The following SEMA3A variants were observed in gnomAD, a reference collection of about 807,000 sequenced individuals.
SEMA3A encodes the protein semaphorin-3A.
A neutral mutation model predicts 97.9 loss-of-function variants in SEMA3A; 29 were observed. The ratio of observed to expected loss-of-function variants is 0.30; its 90% CI spans 0.22 to 0.40. The LOEUF is 0.40. Ranked by LOEUF, SEMA3A falls within the 10% of genes least tolerant of loss-of-function variation. SEMA3A has a pLI of 1.00. For synonymous variants in SEMA3A, 321 were observed against 323.7 expected, an observed-to-expected ratio of 0.99 and a Z score of 0.09; for missense variants, 763 against 951.3, an observed-to-expected ratio of 0.80 and a Z score of 2.60.
chr7:84,433,875 T>C (rs1449923339), intron 1 of SEMA3A, among the ~76,000 whole-genome samples: 3 of 152,232 alleles, frequency 2.0e-5, no homozygotes, highest in African/African-American at 7.2e-5. Flanking sequence ...AAATGTCTTC[T>C]TTTGAGAAGT....
intron 2 of SEMA3A, among the ~76,000 whole-genome samples, chr7:84,365,748 G>A (rs1045540996): frequency 6.6e-6 from 1 of 151,080 alleles, no homozygotes; most frequent in East Asian, 1.9e-4. Flanking sequence ...GAATTTTTAT[G>A]TTTAACATAT....
intron 1 of SEMA3A, among the ~76,000 whole-genome samples, chr7:84,389,753 T>C (rs957185223): frequency 5.9e-5 from 9 of 151,726 alleles, no homozygotes; most frequent in South Asian, 2.1e-4. Context: ...ATTTCACTTA[T>C]ATTCCAGCTG....
intron 4 of SEMA3A, among the ~76,000 whole-genome samples, chr7:84,079,854 T>C (rs1460310141): frequency 1.4e-5 from 2 of 142,648 alleles, no homozygotes; most frequent in Non-Finnish European, 3.0e-5. Flanking sequence ...CATTACTGGG[T>C]ATATACCCAA....
At chr7:84,089,538 ATT>A (rs1794497072) in intron 4 of SEMA3A, among the ~76,000 whole-genome samples, 1 of 152,128 alleles carries the variant, frequency 6.6e-6, no homozygotes, top group Non-Finnish European at 1.5e-5. Context: ...GCCTTCAGTC[ATT>A]TGACTGAAAT....
intron 2 of SEMA3A, 29 bp from the exon 3 acceptor site, chr7:84,129,214 T>A (rs375885852): frequency 1.3e-6 from 2 of 1,576,894 alleles, no homozygotes; most frequent in Non-Finnish European, 1.7e-6. Flanking sequence ...CATTGTTTTA[T>A]GTCAACTAAG....
intron 1 of SEMA3A, among the ~76,000 whole-genome samples, chr7:84,466,533 A>G (rs910375324): frequency 6.6e-6 from 1 of 152,182 alleles, no homozygotes; most frequent in Non-Finnish European, 1.5e-5. Context: ...CATGGAAGCA[A>G]ATTCTAGCAG....
At chr7:84,481,324 A>T (rs1203397961) in intron 1 of SEMA3A, among the ~76,000 whole-genome samples, 1 of 152,202 alleles carries the variant, frequency 6.6e-6, no homozygotes, top group Non-Finnish European at 1.5e-5. Context: ...GACTAAACCT[A>T]ATTAAAAATG....
At chr7:84,281,244 A>G (rs77013985) in intron 3 of SEMA3A, among the ~76,000 whole-genome samples, 6,933 of 152,222 alleles carry the variant, frequency 0.046, 537 homozygotes, top group African/African-American at 0.16. Flanking sequence ...AGTTACTATC[A>G]TAATGAGGGT....
chr7:84,171,410 A>G (rs961574376), intron 1 of SEMA3A, among the ~76,000 whole-genome samples: 135 of 152,260 alleles, frequency 8.9e-4, no homozygotes, highest in Non-Finnish European at 2.9e-4. Context: ...TACAACACTT[A>G]GAAATAGGTG....
At chr7:83,967,133 C>G (rs9656560) in intron 15 of SEMA3A, among the ~76,000 whole-genome samples, 40,159 of 152,104 alleles carry the variant, frequency 0.26, 5,536 homozygotes, top group Middle Eastern at 0.37. Context: ...AGCCAAGCAC[C>G]CATCTATTTG....
intron 3 of SEMA3A, among the ~76,000 whole-genome samples, chr7:84,273,440 C>A (rs1156750785): frequency 5.9e-5 from 9 of 152,020 alleles, no homozygotes; most frequent in African/African-American, 1.9e-4. Flanking sequence ...CTAGCTACTG[C>A]CAGGAAATCT....
Position 84,147,558 on chromosome 7 carries a change from A to G in SEMA3A, c.113-12607T>C, listed in dbSNP as rs904888072. Among the ~76,000 whole-genome samples the G allele has an allele frequency of 5.9e-5, 9 of 152,196 alleles. No individual in the cohort carries two copies. The East Asian group carries it at 1.5e-3, about 26-fold the overall frequency. Reference sequence around the variant, plus strand: ...ATCACTTAGACATACTCAAGGATCAATCAAGTAAGCAGATCAGAGAGACAG... The same window carrying G: ...ATCACTTAGACATACTCAAGGATCAGTCAAGTAAGCAGATCAGAGAGACAG... On this transcript the variant is annotated intron_variant, in intron 1 of 16. Coordinates refer to ENST00000265362, the MANE Select transcript of SEMA3A (RefSeq NM_006080.3).
At chr7:84,208,875 A>G (rs1022389561) in intron 3 of SEMA3A, among the ~76,000 whole-genome samples, 2 of 152,228 alleles carry the variant, frequency 1.3e-5, no homozygotes, top group African/African-American at 4.8e-5. Flanking sequence ...TTATACATGG[A>G]TCTAAAGGTA....
rs1788356699 is a variant in SEMA3A at position 83,958,682 on chromosome 7, T to G, written c.*2689A>C. On this transcript the variant is annotated 3_prime_UTR_variant, in exon 17 of 17. Coordinates refer to ENST00000265362, the MANE Select transcript of SEMA3A (RefSeq NM_006080.3). ...TCCCAAATTATTTACATCTTTTTTT[T>G]GCCTAATGTGTAGGTAGCAAAAATA... The G allele has an allele frequency of 6.6e-6, 1 of 152,522 alleles. No individual in the cohort carries two copies. The highest frequency in any genetic ancestry group is 6.6e-5 in the Admixed American group (1 of 15,258). The allele number at this position is 152,522 out of a possible 1,614,324, so 9.4% of individuals were successfully genotyped here.
intron 3 of SEMA3A, among the ~76,000 whole-genome samples, chr7:84,275,298 C>T (rs1800266424): frequency 6.6e-6 from 1 of 151,994 alleles, no homozygotes; most frequent in African/African-American, 2.4e-5. Context: ...CCTCAGGCTA[C>T]CAGATATTAA....
At chr7:84,268,222 GAA>G (rs1390453098) in intron 3 of SEMA3A, among the ~76,000 whole-genome samples, 3 of 150,272 alleles carry the variant, frequency 2.0e-5, no homozygotes, top group African/African-American at 7.3e-5. Context: ...ACTGAGCAAA[GAA>G]AGATTTTTCC....
chr7:84,436,388 A>G (rs1805130714), intron 1 of SEMA3A, among the ~76,000 whole-genome samples: 1 of 152,190 alleles, frequency 6.6e-6, no homozygotes, highest in South Asian at 2.1e-4. Flanking sequence ...AACAGTGCAA[A>G]CAGACAACCT....
intron 1 of SEMA3A, among the ~76,000 whole-genome samples, chr7:84,143,935 T>TAA (rs1275244345): frequency 2.1e-5 from 3 of 141,814 alleles, no homozygotes; most frequent in Non-Finnish European, 4.5e-5. Context: ...TCTCTCTCTC[T>TAA]CTCTCTCTCT....
At chr7:84,229,752 A>G (rs936802325) in intron 3 of SEMA3A, among the ~76,000 whole-genome samples, 4 of 152,014 alleles carry the variant, frequency 2.6e-5, no homozygotes, top group East Asian at 3.9e-4. Flanking sequence ...CCCTTTCTCT[A>G]TTATCTCTGG....
Sources: gnomAD v4.1 joint callset for allele counts (sites outside exome capture counted in the v4.1 genomes callset) on GRCh38, gnomAD v4.1.1 for gene constraint, MANE v1.5 for transcripts, NCBI Gene and HGNC (gene_info 2026-07-23, HGNC 2026-07-21) for gene names.